DENND2A: variants seen among roughly 807,000 people sequenced by gnomAD.
The protein encoded by DENND2A is DENN domain containing 2A, also known as DENN domain-containing protein 2A.
Under a neutral mutation model 105.3 loss-of-function variants are expected in DENND2A, and 53 were observed. That is an observed-to-expected ratio of 0.50 (90% CI 0.40 to 0.63). The LOEUF (loss-of-function observed/expected upper bound fraction) is 0.63. Among genes scored for constraint, DENND2A ranks in the 30% least tolerant of loss-of-function variants. DENND2A has a pLI of 0.00. For synonymous variants in DENND2A, 522 were observed against 508.4 expected (o/e 1.03, Z -0.36); for missense variants, 1,138 against 1,279.6 (o/e 0.89, Z 1.69).
At chr7:140,624,868 G>GTTTTTTTTTTTTTTTTTTGT (rs1367069950) in intron 1 of DENND2A, among the ~76,000 whole-genome samples, 1 of 109,216 alleles carries the variant, frequency 9.2e-6, no homozygotes, top group Non-Finnish European at 1.9e-5. Flanking sequence ...GTTTTTTTTT[G>GTTTTTTTTTTTTTTTTTTGT]TTTTTTTTTT....
intron 1 of DENND2A, among the ~76,000 whole-genome samples, chr7:140,632,389 G>C (rs1337577734): frequency 1.3e-5 from 2 of 152,076 alleles, no homozygotes; most frequent in Non-Finnish European, 2.9e-5. Context: ...GGTGGTGGGA[G>C]ATAGACAGAG....
At chr7:140,602,670 A>T (rs889447750) in intron 2 of DENND2A, 128 bp from the exon 3 acceptor site, 7 of 254,324 alleles carry the variant, frequency 2.8e-5, no homozygotes, top group African/African-American at 1.2e-4. Flanking sequence ...ATTCCTATTA[A>T]AAAAAAAAAT....
rs1398669520 is a variant in DENND2A, at chr7:140,527,549, A to G, written c.2328-54T>C. The G allele has an allele frequency of 1.3e-6, 2 of 1,524,566 alleles. No individual in the cohort carries two copies. The highest frequency in any genetic ancestry group is 4.6e-5 in the East Asian group (2 of 43,386). The allele number at this position is 1,524,566 out of a possible 1,614,324, so 94.4% of individuals were successfully genotyped here. ...GGCCGACTCAGCGAGGGCCCGAGGA[A>G]GCCTCCAGGGGAGAAGGCTCCTCCC... On this transcript the variant is annotated intron_variant, in intron 14 of 19. Transcript: ENST00000496613. The surrounding 1 kb of genome is among the most constrained non-coding windows in gnomAD (Gnocchi z 4.9).
chr7:140,621,197 TA>T lies in DENND2A; in HGVS notation c.-247-15392del, dbSNP rs952690701. Among the ~76,000 whole-genome samples the T allele has an allele frequency of 3.4e-4, 52 of 150,772 alleles. No homozygotes were observed. The East Asian group carries it at 4.1e-3, about 12-fold the overall frequency. On this transcript the variant is annotated intron_variant, in intron 1 of 19. Coordinates refer to ENST00000496613, the MANE Select transcript of DENND2A (RefSeq NM_015689.5). ...GTGTGAGCCACTAGGCTCAGCTAAT[TA>T]AAAAATTTTTTTTTTTTGTAGAGAC...
intron 3 of DENND2A, among the ~76,000 whole-genome samples, chr7:140,594,818 C>T (rs549229520): frequency 9.9e-5 from 15 of 152,152 alleles, no homozygotes; most frequent in East Asian, 1.9e-4. Context: ...CCGGTTCAAG[C>T]GATTCTCCTG....
At chr7:140,574,052 AG>A in intron 5 of DENND2A, 44 bp from the exon 6 acceptor site, 1 of 1,607,656 alleles carries the variant, frequency 6.2e-7, no homozygotes, top group Non-Finnish European at 8.5e-7. Flanking sequence ...AATTCAAAGG[AG>A]ACTGACCGGG....
At position 140,527,544 on chromosome 7, in the gene DENND2A, G is replaced by A. The variant is rs748733944; in HGVS notation, c.2328-49C>T. The A allele has an allele frequency of 7.8e-6, 12 of 1,532,220 alleles. No individual in the cohort carries two copies. The highest frequency in any genetic ancestry group is 2.3e-5 in the East Asian group (1 of 43,392). The allele number at this position is 1,532,220 out of a possible 1,614,324, so 94.9% of individuals were successfully genotyped here. On this transcript the variant is annotated intron_variant, in intron 14 of 19. Transcript: ENST00000496613. This position sits in a 1 kb window ranked among gnomAD's most constrained non-coding sequence, Gnocchi z 4.9. The stretch of plus-strand genomic sequence containing the variant: ...AGAGAGGCCGACTCAGCGAGGGCCC[G>A]AGGAAGCCTCCAGGGGAGAAGGCTC...
In DENND2A at chr7:140,601,513, A is replaced by G. The variant is rs201648870; in HGVS notation, c.885T>C (p.Asn295=). 6.8e-6 allele frequency: 11 copies of G among 1,614,054 alleles called. No individual in the cohort carries two copies. The highest frequency in any genetic ancestry group is 1.3e-5 in the African/African-American group (1 of 74,988). ...GAGGTAGAGAGGGCAGAGGAGGCAG[A>G]TTTCTTTTCTCTTTCCTGAAGCCGA... ...PGIGFRKEKR[N]LPPLPSLPPP... Residue 295 remains asparagine (N), a synonymous_variant, in exon 3 of 20, where the codon AAT becomes AAC. Coordinates refer to ENST00000496613, the MANE Select transcript of DENND2A (RefSeq NM_015689.5).
At chr7:140,623,821 C>T (rs1468516697) in intron 1 of DENND2A, among the ~76,000 whole-genome samples, 5 of 152,082 alleles carry the variant, frequency 3.3e-5, no homozygotes, top group Non-Finnish European at 7.4e-5. Context: ...GTATAATTTT[C>T]CTCCTCGCTT....
intron 3 of DENND2A, among the ~76,000 whole-genome samples, chr7:140,599,325 G>C (rs1382411905): frequency 6.6e-6 from 1 of 150,912 alleles, no homozygotes; most frequent in Non-Finnish European, 1.5e-5. Flanking sequence ...GCGATACTCT[G>C]TCTCGAAAAA....
chr7:140,566,092 T>C (rs1428269484), intron 9 of DENND2A, among the ~76,000 whole-genome samples: 1 of 152,178 alleles, frequency 6.6e-6, no homozygotes, highest in Non-Finnish European at 1.5e-5. Flanking sequence ...CTTTACTTTT[T>C]GCAATCTCTG....
intron 13 of DENND2A, among the ~76,000 whole-genome samples, chr7:140,545,757 A>G (rs1796869220): frequency 6.6e-6 from 1 of 152,056 alleles, no homozygotes; most frequent in South Asian, 2.1e-4. Flanking sequence ...TTCTCTTTAA[A>G]TAGCTGCCTC....
Position 140,583,905 on chromosome 7 carries a change from G to C in DENND2A, c.1245+1684C>G, listed in dbSNP as rs561323099. Among the ~76,000 whole-genome samples, 63 of 136,290 alleles carry C rather than the reference G, an allele frequency of 4.6e-4. 2 individuals carry two copies. The highest frequency in any genetic ancestry group is 2.3e-3 in the Admixed American group (30 of 13,246). The allele number at this position is 136,290 out of a possible 152,430, so 89.4% of individuals were successfully genotyped here. A position where few individuals can be genotyped will look rare whatever the true frequency, so the allele number is the denominator to read the frequency against. ...CGTGCCACTGCACTCCAGCCTGGGC[G>C]ACAGAGCAAGACTCCGTCTCGAAAA... On this transcript the variant is annotated intron_variant, in intron 5 of 19. Coordinates refer to ENST00000496613, the MANE Select transcript of DENND2A (RefSeq NM_015689.5).
intron 11 of DENND2A, among the ~76,000 whole-genome samples, chr7:140,556,388 G>A (rs1797363463): frequency 6.6e-6 from 1 of 151,956 alleles, no homozygotes; most frequent in South Asian, 2.1e-4. Flanking sequence ...GTCCAGACTG[G>A]AGTGCAGCGA....
At chr7:140,546,679 G>A in intron 13 of DENND2A, 120 bp downstream of exon 13, 1 of 1,286,794 alleles carries the variant, frequency 7.8e-7, no homozygotes. Flanking sequence ...CAGCTCTAGG[G>A]GTGGGGAGAA....
intron 7 of DENND2A, among the ~76,000 whole-genome samples, 170 bp downstream of exon 7, chr7:140,569,475 C>T (rs938504563): frequency 2.0e-5 from 3 of 152,168 alleles, no homozygotes; most frequent in Non-Finnish European, 4.4e-5. Context: ...GACATGCTGC[C>T]CCGGCTGAGC....
chr7:140,610,290 G>GA (rs576801972), intron 1 of DENND2A, among the ~76,000 whole-genome samples: 7,660 of 100,176 alleles, frequency 0.076, 552 homozygotes, highest in African/African-American at 0.21. Context: ...TAGTCTTAAG[G>GA]AAAAAAAAAA....
In DENND2A at chr7:140,527,622, G is replaced by T. The variant is rs1796112454; in HGVS notation, c.2328-127C>A. 2.9e-6 allele frequency: 3 copies of T among 1,022,608 alleles called. No homozygotes were observed. Among genetic ancestry groups the T allele is most frequent in the Non-Finnish European group, 4.2e-6 (3 of 719,388 alleles). 63.3% of individuals were successfully genotyped at this position (1,022,608 alleles called of 1,614,324 possible). ...GACACACGTGGATGTGGATCCGGTG[G>T]AGCACATGATGGTCTCAGCACAGGC... On this transcript the variant is annotated intron_variant, in intron 14 of 19. Transcript: ENST00000496613. This position sits in a 1 kb window ranked among gnomAD's most constrained non-coding sequence, Gnocchi z 4.9.
intron 5 of DENND2A, among the ~76,000 whole-genome samples, chr7:140,584,051 G>C (rs1179515346): frequency 1.3e-5 from 2 of 148,312 alleles, no homozygotes; most frequent in Non-Finnish European, 2.9e-5. Flanking sequence ...AGACCAGCCT[G>C]GCCAACATGG....
Sources: allele counts gnomAD v4.1 joint callset (sites outside exome capture counted in the v4.1 genomes callset), GRCh38; gene constraint gnomAD v4.1.1; non-coding constraint Gnocchi (gnomAD v3.1); transcripts MANE v1.5; gene names NCBI Gene and HGNC (gene_info 2026-07-23, HGNC 2026-07-21).